The following C5orf47 variants were observed in gnomAD, a reference collection of about 807,000 sequenced individuals.
C5orf47 encodes the protein chromosome 5 open reading frame 47.
A neutral mutation model predicts 20.6 loss-of-function variants in C5orf47; 20 were observed. That is an observed-to-expected ratio of 0.97 (90% CI 0.68 to 1.41). The LOEUF is 1.41. C5orf47 is among the 40% of genes most tolerant of loss of function. The pLI, the probability that C5orf47 is intolerant of heterozygous loss-of-function variation, is 0.00. For missense variants in C5orf47, 262 were observed against 238.4 expected, an observed-to-expected ratio of 1.10 and a Z score of -0.65; for synonymous variants, 106 against 97.3, an observed-to-expected ratio of 1.09 and a Z score of -0.53.
At chr5:174,007,512 C>T (rs1048399636), downstream of C5orf47, among the ~76,000 whole-genome samples, 1 of 151,296 alleles carries the variant, frequency 6.6e-6, no homozygotes, top group Non-Finnish European at 1.5e-5. Flanking sequence ...ATGGGGCAGA[C>T]AGTATTTACT....
intron 1 of C5orf47, among the ~76,000 whole-genome samples, chr5:173,992,908 A>G (rs904654847): frequency 2.0e-5 from 3 of 152,194 alleles, no homozygotes; most frequent in Non-Finnish European, 2.9e-5. Flanking sequence ...AAACCATGCC[A>G]TTGAAAGACT....
chr5:173,995,737 T>C (rs890684034), intron 1 of C5orf47, among the ~76,000 whole-genome samples: 1 of 152,250 alleles, frequency 6.6e-6, no homozygotes, highest in African/African-American at 2.4e-5. Context: ...ACATGTGCTA[T>C]TTATTGAATG....
In C5orf47 at chr5:174,005,577, C is replaced by G. The variant is rs952584272; in HGVS notation, c.*1323C>G. 2 of 152,240 alleles carry G rather than the reference C, an allele frequency of 1.3e-5. No homozygotes were observed. The highest frequency in any genetic ancestry group is 4.8e-5 in the African/African-American group (2 of 41,426). 9.4% of individuals were successfully genotyped at this position (152,240 alleles called of 1,614,324 possible). A position where few individuals can be genotyped will look rare whatever the true frequency, so the allele number is the denominator to read the frequency against. ...CCCTGCATTGAGGGTCACACAACTTCTTTATATTATGCTGGGTAAATTTCA... is the reference window on the plus strand; with the variant it reads ...CCCTGCATTGAGGGTCACACAACTTGTTTATATTATGCTGGGTAAATTTCA... On this transcript the variant is annotated 3_prime_UTR_variant, in exon 5 of 5. Transcript: ENST00000340147.
downstream of C5orf47, among the ~76,000 whole-genome samples, chr5:174,007,336 C>T (rs922279060): frequency 6.6e-6 from 1 of 152,052 alleles, no homozygotes; most frequent in Non-Finnish European, 1.5e-5. Context: ...CATTAAAGAC[C>T]CAAAGGACTG....
chr5:173,989,475 T>A lies in C5orf47; in HGVS notation c.212T>A (p.Leu71His). 6.5e-7 allele frequency: 1 copy of A among 1,548,956 alleles called. No individual in the cohort carries two copies. Among genetic ancestry groups the A allele is most frequent in the Non-Finnish European group, 8.7e-7 (1 of 1,146,058 alleles). The change falls in exon 1 of 5, where the codon CTC (leucine) becomes CAC (histidine). Residue 71 changes from leucine to histidine, a missense_variant. Physicochemically the swap from Leu to His is moderately conservative, Grantham distance 99. Transcript: ENST00000340147. ...GTTCAGGGTGGCAGCGAGCTGCCCC[T>A]CGGTTCCCAGCTCAGGGTCCCCACG... is the stretch of plus-strand genomic sequence containing the variant. ...AGVQGGSELP[L>H]GSQLRVPTTP...
rs1758947910 is a variant in C5orf47, at chr5:173,989,639, G to A, written c.325+51G>A. ...CGGGCGCGGCGGGGCGGGACGGGGC[G>A]GAGCGGGCTCAGCTGCTGGGCGCCA... On this transcript the variant is annotated intron_variant, in intron 1 of 4. Transcript: ENST00000340147. 3.0e-6 allele frequency: 4 copies of A among 1,330,830 alleles called. No homozygotes were observed. In the East Asian group the frequency reaches 9.2e-5, roughly 31 times the overall value. The allele number at this position is 1,330,830 out of a possible 1,614,324, so 82.4% of individuals were successfully genotyped here.
chr5:173,989,289 A>G lies in C5orf47; in HGVS notation c.26A>G (p.Glu9Gly). 2.9e-6 allele frequency: 4 copies of G among 1,393,854 alleles called. No individual in the cohort carries two copies. Among genetic ancestry groups the G allele is most frequent in the Non-Finnish European group, 3.7e-6 (4 of 1,069,388 alleles). The allele number at this position is 1,393,854 out of a possible 1,614,324, so 86.3% of individuals were successfully genotyped here. The stretch of plus-strand genomic sequence containing the variant: ...ATGGCGGCGGCAGGCCGGGGTCGGG[A>G]GCAGGACTCGGCGCGCTTCGTCTAT... MAAAGRGREQDSARFVYVT... is the reference protein window; with the variant it reads MAAAGRGRGQDSARFVYVT... The change falls in exon 1 of 5, where the codon GAG becomes GGG. Residue 9 changes from glutamate to glycine, a missense_variant. By Grantham distance (98) the Glu-to-Gly change is moderately conservative. Transcript: ENST00000340147.
intron 1 of C5orf47, among the ~76,000 whole-genome samples, chr5:173,996,890 G>T (rs966589127): frequency 6.6e-6 from 1 of 152,096 alleles, no homozygotes; most frequent in African/African-American, 2.4e-5. Context: ...TCTCCCAAAT[G>T]TAATCAGAAT....
chr5:174,001,214 G>T lies in C5orf47; in HGVS notation c.530G>T (p.Ter177LeuextTer30), dbSNP rs141052002. ...LSSESSNYTR[*>L] ...TTTGCAGGCTCAAATTACACAAGAT[G>T]AATCTTCTTATCTTCTGGTAAGAAT... is the stretch of plus-strand genomic sequence containing the variant. The change falls in exon 4 of 5, where the codon TGA becomes TTA. Residue 177 changes from the stop codon to leucine, a stop_lost. Coordinates refer to ENST00000340147, the MANE Select transcript of C5orf47 (RefSeq NM_001144954.2). 486 of 1,507,406 alleles carry T rather than the reference G, an allele frequency of 3.2e-4. 1 individual carries two copies. In the African/African-American group the frequency reaches 5.8e-3, roughly 18 times the overall value. 93.4% of individuals were successfully genotyped at this position (1,507,406 alleles called of 1,614,324 possible).
At chr5:173,990,781 C>T (rs183791199) in intron 1 of C5orf47, among the ~76,000 whole-genome samples, 23 of 152,294 alleles carry the variant, frequency 1.5e-4, no homozygotes, top group African/African-American at 5.5e-4. Context: ...GATTAATTTA[C>T]GTATGTTTCG....
chr5:173,991,588 ATTTGTTTATTAATATGGAATG>A (rs1458707403), intron 1 of C5orf47, among the ~76,000 whole-genome samples: 2 of 150,376 alleles, frequency 1.3e-5, no homozygotes, highest in Non-Finnish European at 3.0e-5. Flanking sequence ...TTTTCTTTAG[ATTTGTTTATTAATATGGAATG>A]TAATATAAAT....
At chr5:174,001,865 G>T (rs1317614720) in intron 4 of C5orf47, among the ~76,000 whole-genome samples, 1 of 151,400 alleles carries the variant, frequency 6.6e-6, no homozygotes, top group African/African-American at 2.4e-5. Context: ...CTCTGGTTAT[G>T]TACCTCTGGT....
chr5:173,989,687 G>A (rs1415978270), intron 1 of C5orf47, 99 bp downstream of exon 1: 69 of 1,100,468 alleles, frequency 6.3e-5, no homozygotes, highest in Non-Finnish European at 8.0e-5. Flanking sequence ...CAGGAGGCTG[G>A]GGGCAGCTTT....
intron 1 of C5orf47, among the ~76,000 whole-genome samples, chr5:173,992,498 T>A (rs960822623): frequency 1.3e-5 from 2 of 152,176 alleles, no homozygotes; most frequent in African/African-American, 4.8e-5. Flanking sequence ...ATATTATTAT[T>A]TCTTGTGCTT....
At chr5:173,999,012 A>G (rs1182398505) in intron 2 of C5orf47, among the ~76,000 whole-genome samples, 3 of 152,310 alleles carry the variant, frequency 2.0e-5, no homozygotes, top group Non-Finnish European at 2.9e-5. Flanking sequence ...AGGTGAGGAG[A>G]AAAGAGCAAT....
At position 173,999,813 on chromosome 5, in the gene C5orf47, ATTTT is replaced by A; in HGVS notation, c.511+16_511+19del. 2.9e-6 allele frequency: 4 copies of A among 1,378,914 alleles called. No homozygotes were observed. The highest frequency in any genetic ancestry group is 1.3e-5 in the South Asian group (1 of 76,224). The allele number at this position is 1,378,914 out of a possible 1,614,324, so 85.4% of individuals were successfully genotyped here. ...TATCTAGTGAAAGTAAGTTAACACA[ATTTT>A]TATTGTATTAAAAAGACTGGCCTCT... On this transcript the variant is annotated intron_variant, in intron 3 of 4. Coordinates refer to ENST00000340147, the MANE Select transcript of C5orf47 (RefSeq NM_001144954.2).
chr5:173,991,294 C>T (rs2113357175), intron 1 of C5orf47, among the ~76,000 whole-genome samples: 1 of 152,122 alleles, frequency 6.6e-6, no homozygotes, highest in South Asian at 2.1e-4. Context: ...ACCCATTTGC[C>T]TGCAATAGAT....
chr5:173,998,882 TC>T (rs746101504), intron 2 of C5orf47, among the ~76,000 whole-genome samples: 11 of 152,204 alleles, frequency 7.2e-5, no homozygotes, highest in Non-Finnish European at 1.6e-4. Flanking sequence ...TTGTTTGATA[TC>T]CGTGTATGGT....
chr5:173,991,368 G>A (rs1413464432), intron 1 of C5orf47, among the ~76,000 whole-genome samples: 3 of 152,028 alleles, frequency 2.0e-5, no homozygotes, highest in Non-Finnish European at 2.9e-5. Flanking sequence ...TGGAGATAGC[G>A]GGCATCTTAG....
Sources: allele counts gnomAD v4.1 joint callset (sites outside exome capture counted in the v4.1 genomes callset), GRCh38; gene constraint gnomAD v4.1.1; transcripts MANE v1.5; gene names NCBI Gene and HGNC (gene_info 2026-07-23, HGNC 2026-07-21).